Variants in HSD17B12 observed in about 807,000 individuals in gnomAD.
The protein encoded by HSD17B12 is hydroxysteroid 17-beta dehydrogenase 12, also known as very-long-chain 3-oxoacyl-CoA reductase.
HSD17B12 carries 32 observed loss-of-function variants against 39.3 expected under a neutral mutation model. That is an observed-to-expected ratio of 0.81 (90% confidence interval 0.61 to 1.09). The LOEUF is 1.09. Ranked by LOEUF, HSD17B12 falls within the 50% of genes least tolerant of loss-of-function variation. The pLI, the probability that HSD17B12 is intolerant of heterozygous loss-of-function variation, is 0.00. For missense variants in HSD17B12, 342 were observed against 382.9 expected (o/e 0.89, Z 0.89); for synonymous variants, 150 against 146.7 (o/e 1.02, Z -0.16).
At chr11:43,816,162 G>T (rs566556662) in intron 5 of HSD17B12, among the ~76,000 whole-genome samples, 185 bp from the exon 6 acceptor site, 2 of 152,070 alleles carry the variant, frequency 1.3e-5, no homozygotes, top group Non-Finnish European at 2.9e-5. Context: ...TATCACCTTA[G>T]TTAGGAAAAT....
the HSD17B12 span, among the ~76,000 whole-genome samples, chr11:43,659,744 C>T: frequency 6.6e-6 from 1 of 152,166 alleles, no homozygotes; most frequent in East Asian, 1.9e-4. Flanking sequence ...ATAAAGAACT[C>T]TTACAACTCA....
chr11:43,804,315 T>C (rs1400016040), intron 4 of HSD17B12, among the ~76,000 whole-genome samples: 1 of 152,204 alleles, frequency 6.6e-6, no homozygotes, highest in African/African-American at 2.4e-5. Flanking sequence ...CCTCAGCTGG[T>C]ACAAGGTGAC....
At chr11:43,748,128 A>G (rs1950428650) in intron 1 of HSD17B12, among the ~76,000 whole-genome samples, 1 of 152,176 alleles carries the variant, frequency 6.6e-6, no homozygotes, top group African/African-American at 2.4e-5. Context: ...CTGTGCCTCT[A>G]AAAACAGTCG....
intron 1 of HSD17B12, among the ~76,000 whole-genome samples, chr11:43,735,899 C>T (rs571625624): frequency 2.6e-4 from 39 of 152,276 alleles, no homozygotes; most frequent in Non-Finnish European, 4.7e-4. Context: ...AACTGCCACA[C>T]GCTTTTAAAC....
chr11:43,850,022 G>A (rs1470252462), intron 9 of HSD17B12, among the ~76,000 whole-genome samples: 3 of 152,138 alleles, frequency 2.0e-5, no homozygotes. Context: ...TCTTTGTGTA[G>A]AGCACAATAC....
intron 1 of HSD17B12, among the ~76,000 whole-genome samples, chr11:43,707,252 T>G (rs1003356624): frequency 1.3e-5 from 2 of 152,194 alleles, no homozygotes; most frequent in Non-Finnish European, 2.9e-5. Flanking sequence ...AGATGGACAA[T>G]AAGCAGACAT....
chr11:43,609,016 C>G, the HSD17B12 span, among the ~76,000 whole-genome samples: 1 of 152,022 alleles, frequency 6.6e-6, no homozygotes, highest in Non-Finnish European at 1.5e-5. Context: ...CCTCGACCTC[C>G]TTGGGCTCAG....
chr11:43,801,236 T>C (rs1027088982), intron 4 of HSD17B12, among the ~76,000 whole-genome samples: 1 of 151,982 alleles, frequency 6.6e-6, no homozygotes, highest in African/African-American at 2.4e-5. Flanking sequence ...GTGGGATAAG[T>C]GTTTTGAGTA....
chr11:43,769,836 G>C (rs1290513181), intron 3 of HSD17B12, among the ~76,000 whole-genome samples: 1 of 152,158 alleles, frequency 6.6e-6, no homozygotes, highest in Admixed American at 6.5e-5. Context: ...CTTTCCTCCT[G>C]CTTCAGTTTG....
the HSD17B12 span, among the ~76,000 whole-genome samples, chr11:43,669,787 C>T: frequency 6.5e-3 from 990 of 152,256 alleles, 6 homozygotes; most frequent in Middle Eastern, 0.055. Context: ...CCACCCTAAT[C>T]CTTTATGACC....
the HSD17B12 span, among the ~76,000 whole-genome samples, chr11:43,566,858 A>T: frequency 6.6e-6 from 1 of 152,192 alleles, no homozygotes; most frequent in African/African-American, 2.4e-5. Context: ...TAATAATAAG[A>T]TCTGTGCCCC....
chr11:43,756,170 C>G (rs1227569126), intron 3 of HSD17B12, among the ~76,000 whole-genome samples: 1 of 151,678 alleles, frequency 6.6e-6, no homozygotes, highest in African/African-American at 2.4e-5. Flanking sequence ...ACAGCCAAAC[C>G]ATTCACAGCG....
At chr11:43,742,285 G>C (rs1430274525) in intron 1 of HSD17B12, among the ~76,000 whole-genome samples, 2 of 151,520 alleles carry the variant, frequency 1.3e-5, no homozygotes, top group East Asian at 3.9e-4. Flanking sequence ...CTATAGGTGT[G>C]TGCTACCACA....
intron 1 of HSD17B12, among the ~76,000 whole-genome samples, chr11:43,689,405 G>A (rs1035027818): frequency 6.6e-6 from 1 of 152,124 alleles, no homozygotes; most frequent in Non-Finnish European, 1.5e-5. Context: ...CAGCCACAGT[G>A]ATCCTTGACA....
intron 1 of HSD17B12, among the ~76,000 whole-genome samples, chr11:43,699,265 A>G (rs571096576): frequency 1.3e-5 from 2 of 152,222 alleles, no homozygotes; most frequent in South Asian, 2.1e-4. Flanking sequence ...CACTGTTCCC[A>G]TCTCATGCTA....
At chr11:43,687,751 G>A (rs1025324527) in intron 1 of HSD17B12, among the ~76,000 whole-genome samples, 1 of 152,210 alleles carries the variant, frequency 6.6e-6, no homozygotes, top group Admixed American at 6.5e-5. Context: ...AGCAGTTGAG[G>A]TGATTTTAAG....
chr11:43,834,532 CAG>C (rs1951348584), intron 7 of HSD17B12, among the ~76,000 whole-genome samples: 1 of 152,208 alleles, frequency 6.6e-6, no homozygotes, highest in Non-Finnish European at 1.5e-5. Flanking sequence ...AGGTAGAAAA[CAG>C]TGACTTACTT....
At chr11:43,725,133 C>T (rs1950209785) in intron 1 of HSD17B12, among the ~76,000 whole-genome samples, 1 of 152,044 alleles carries the variant, frequency 6.6e-6, no homozygotes. Context: ...ACAGACATGG[C>T]AGTACAGCAT....
intron 1 of HSD17B12, among the ~76,000 whole-genome samples, chr11:43,690,357 CATACATATAT>C (rs1235634804): frequency 1.4e-4 from 10 of 74,072 alleles, no homozygotes; most frequent in African/African-American, 6.1e-4. Context: ...GTAAGGTATT[CATACATATAT>C]ATATATATAT....
Sources: gnomAD v4.1 joint callset for allele counts (sites outside exome capture counted in the v4.1 genomes callset) on GRCh38, gnomAD v4.1.1 for gene constraint, MANE v1.5 for transcripts, NCBI Gene and HGNC (gene_info 2026-07-23, HGNC 2026-07-21) for gene names.